IL1RAPL2: variants seen among roughly 807,000 people sequenced by gnomAD.
IL1RAPL2 encodes the protein X-linked interleukin-1 receptor accessory protein-like 2.
A neutral mutation model predicts 44.1 loss-of-function variants in IL1RAPL2; 3 were observed. The observed-to-expected ratio is 0.07, with a 90% CI of 0.03 to 0.18. The LOEUF (loss-of-function observed/expected upper bound fraction) is 0.18, where lower values mean the gene tolerates loss of function less well. Ranked by LOEUF, IL1RAPL2 falls within the 10% of genes least tolerant of loss-of-function variation. The pLI, the probability that IL1RAPL2 is intolerant of heterozygous loss-of-function variation, is 1.00. For synonymous variants in IL1RAPL2, 181 were observed against 178.8 expected (o/e 1.01, Z -0.10); for missense variants, 391 against 496.4 (o/e 0.79, Z 2.02).
intron 2 of IL1RAPL2, among the ~76,000 whole-genome samples, chrX:104,840,995 T>G (rs934322133): frequency 1.4e-4 from 16 of 110,974 alleles, no homozygotes; most frequent in Non-Finnish European, 2.8e-4. Flanking sequence ...CAGCCTAAAG[T>G]CTCCCACTGT....
chrX:104,676,506 G>A (rs1315204919), intron 2 of IL1RAPL2, among the ~76,000 whole-genome samples: 2 of 111,784 alleles, frequency 1.8e-5, no homozygotes, highest in African/African-American at 6.5e-5. Flanking sequence ...TGGGCAACCC[G>A]ACCTTTCTCT....
intron 2 of IL1RAPL2, among the ~76,000 whole-genome samples, chrX:105,031,455 G>A (rs1024879433): frequency 9.0e-6 from 1 of 111,131 alleles, no homozygotes; most frequent in African/African-American, 3.3e-5. Context: ...TAGCATGAAG[G>A]GTTGTTGAAT....
chrX:105,491,245 G>A (rs1362069388), intron 6 of IL1RAPL2, among the ~76,000 whole-genome samples: 5 of 109,670 alleles, frequency 4.6e-5, no homozygotes, highest in African/African-American at 1.7e-4. Context: ...AAGAAAATGT[G>A]GCACATATAC....
intron 2 of IL1RAPL2, among the ~76,000 whole-genome samples, chrX:105,034,439 T>C (rs1210894966): frequency 8.9e-6 from 1 of 112,156 alleles, no homozygotes; most frequent in African/African-American, 3.2e-5. Context: ...TTTTCCTTCT[T>C]ACAGACAGGA....
chrX:104,568,564 G>T, intron 1 of IL1RAPL2, among the ~76,000 whole-genome samples: 1 of 111,485 alleles, frequency 9.0e-6, no homozygotes, highest in Non-Finnish European at 1.9e-5. Context: ...ACAATTACCC[G>T]CCGTGGAAGC....
chrX:105,143,996 AAAC>A (rs2033152744), intron 2 of IL1RAPL2, among the ~76,000 whole-genome samples: 2 of 109,113 alleles, frequency 1.8e-5, no homozygotes, highest in African/African-American at 6.8e-5. Flanking sequence ...TAATAAAACA[AAAC>A]AAAACAATAA....
intron 2 of IL1RAPL2, among the ~76,000 whole-genome samples, chrX:104,709,100 A>C (rs1931409451): frequency 9.0e-6 from 1 of 110,899 alleles, no homozygotes; most frequent in South Asian, 3.8e-4. Flanking sequence ...GATTCAAATA[A>C]GTTGAATTTA....
intron 2 of IL1RAPL2, among the ~76,000 whole-genome samples, chrX:104,787,333 A>G (rs948026562): frequency 1.8e-5 from 2 of 111,740 alleles, no homozygotes; most frequent in African/African-American, 3.3e-5. Context: ...CTTCCCATGC[A>G]GTACTGTGAT....
At chrX:105,586,081 A>G (rs1003995445) in intron 6 of IL1RAPL2, among the ~76,000 whole-genome samples, 7 of 112,373 alleles carry the variant, frequency 6.2e-5, no homozygotes, top group African/African-American at 2.3e-4. Context: ...GAATGGGAGA[A>G]AATTTTTGCA....
chrX:105,045,274 A>T (rs1433259618), intron 2 of IL1RAPL2, among the ~76,000 whole-genome samples: 1 of 111,953 alleles, frequency 8.9e-6, no homozygotes, highest in African/African-American at 3.2e-5. Context: ...GATTTAACCA[A>T]CTATGGTGTA....
intron 10 of IL1RAPL2, among the ~76,000 whole-genome samples, chrX:105,766,523 ATAATAT>A (rs1383921454): frequency 1.9e-4 from 21 of 111,517 alleles, no homozygotes; most frequent in African/African-American, 6.8e-4. Flanking sequence ...ATTACAATAA[ATAATAT>A]TAATAAAAAT....
intron 3 of IL1RAPL2, among the ~76,000 whole-genome samples, chrX:105,204,024 C>T (rs1162058403): frequency 8.9e-6 from 1 of 111,914 alleles, no homozygotes; most frequent in Non-Finnish European, 1.9e-5. Context: ...TTCTCATACT[C>T]TAAACTAATA....
At chrX:104,987,025 T>C (rs35831571) in intron 2 of IL1RAPL2, among the ~76,000 whole-genome samples, 37,978 of 111,372 alleles carry the variant, frequency 0.34, 5,570 homozygotes, top group East Asian at 0.46. Context: ...TGCATTTTGC[T>C]TGACAAATCA....
chrX:104,826,208 G>T (rs1023483253), intron 2 of IL1RAPL2, among the ~76,000 whole-genome samples: 1 of 111,557 alleles, frequency 9.0e-6, no homozygotes, highest in African/African-American at 3.3e-5. Flanking sequence ...TGATGTTAGG[G>T]TGTCGATTTT....
chrX:105,011,902 A>G (rs183645570), intron 2 of IL1RAPL2, among the ~76,000 whole-genome samples: 11 of 111,033 alleles, frequency 9.9e-5, no homozygotes, highest in African/African-American at 3.6e-4. Context: ...TTAGACAGTT[A>G]CATAGATTCC....
intron 3 of IL1RAPL2, among the ~76,000 whole-genome samples, chrX:105,212,688 A>G (rs1556159566): frequency 9.1e-6 from 1 of 110,143 alleles, no homozygotes. Context: ...ACTGGGAGAA[A>G]CCTCCTAACA....
At chrX:105,115,369 C>A (rs1160649299) in intron 2 of IL1RAPL2, among the ~76,000 whole-genome samples, 1 of 111,538 alleles carries the variant, frequency 9.0e-6, no homozygotes. Context: ...TGCCTTTATT[C>A]TCTTATCTGG....
At chrX:105,300,580 A>C (rs2034689334) in intron 5 of IL1RAPL2, among the ~76,000 whole-genome samples, 2 of 111,209 alleles carry the variant, frequency 1.8e-5, no homozygotes, top group South Asian at 7.8e-4. Context: ...GAACCATAAA[A>C]GGGACCAAAA....
At chrX:105,313,371 T>C (rs1368591842) in intron 5 of IL1RAPL2, among the ~76,000 whole-genome samples, 1 of 112,062 alleles carries the variant, frequency 8.9e-6, no homozygotes, top group African/African-American at 3.2e-5. Context: ...TGATCAGAAA[T>C]GATTTTAGGT....
Sources: allele counts gnomAD v4.1 joint callset (sites outside exome capture counted in the v4.1 genomes callset), GRCh38; gene constraint gnomAD v4.1.1; transcripts MANE v1.5; gene names NCBI Gene and HGNC (gene_info 2026-07-23, HGNC 2026-07-21).